The following FRMD1 variants were observed in gnomAD, a reference collection of about 807,000 sequenced individuals.
FRMD1 encodes the protein FERM domain containing 1.
Under a neutral mutation model 54.9 loss-of-function variants are expected in FRMD1, and 51 were observed. The observed-to-expected ratio is 0.93, with a 90% CI of 0.74 to 1.17. The LOEUF is 1.17. Ranked by LOEUF, FRMD1 falls within the 50% of genes most tolerant of loss-of-function variation. FRMD1 has a pLI of 0.00. For missense variants in FRMD1, 729 were observed against 743.0 expected (o/e 0.98, Z 0.22); for synonymous variants, 324 against 306.4 (o/e 1.06, Z -0.60).
chr6:168,061,260 C>A (rs1799717250), intron 8 of FRMD1, among the ~76,000 whole-genome samples: 1 of 151,830 alleles, frequency 6.6e-6, no homozygotes, highest in African/African-American at 2.4e-5. Flanking sequence ...GGAGACCAGG[C>A]CTGTGGTAAA....
chr6:168,058,387 C>T (rs971464894), intron 10 of FRMD1, among the ~76,000 whole-genome samples: 14 of 145,070 alleles, frequency 9.7e-5, no homozygotes, highest in African/African-American at 2.8e-4. Context: ...ATCTGCCTCC[C>T]GTGCCCAGCC....
chr6:168,087,199 T>C (rs1800935968), intron 1 of FRMD1, among the ~76,000 whole-genome samples: 1 of 152,136 alleles, frequency 6.6e-6, no homozygotes, highest in African/African-American at 2.4e-5. Flanking sequence ...CCTGAGCAGC[T>C]GGGACCACAG....
At chr6:168,081,609 C>T, upstream of FRMD1, 1 of 1,225,624 alleles carries the variant, frequency 8.2e-7, no homozygotes. Context: ...TCTAGGTCCA[C>T]AAAGCACAGG....
chr6:168,078,993 C>T lies in FRMD1; in HGVS notation c.102G>A (p.Arg34=), dbSNP rs781712962. The T allele has an allele frequency of 1.9e-6, 3 of 1,612,396 alleles. No homozygotes were observed. Among genetic ancestry groups the T allele is most frequent in the East Asian group, 2.2e-5 (1 of 44,850 alleles). The change falls in exon 1 of 11, where the codon AGG becomes AGA. Residue 34 remains arginine, a synonymous_variant. Coordinates refer to ENST00000283309, the MANE Select transcript of FRMD1 (RefSeq NM_024919.6). ...GARCMEPSPE[R]PACSQQEPTL... ...TCGGCTCCTGCTGACTGCATGCAGG[C>T]CTCTCAGGACTGGGTTCCATACATC... is the stretch of plus-strand genomic sequence containing the variant.
upstream of FRMD1, among the ~76,000 whole-genome samples, chr6:168,082,338 T>C (rs1207157755): frequency 2.6e-5 from 4 of 152,344 alleles, no homozygotes; most frequent in East Asian, 7.7e-4. Context: ...TCTTGCTCCA[T>C]GCTCAGCCTC....
Position 168,057,307 on chromosome 6 carries a change from C to G in FRMD1, c.1440G>C (p.Glu480Asp). Residue 480 changes from glutamate to aspartate, a missense_variant, in exon 11 of 11, where the codon GAG becomes GAC. Coordinates refer to ENST00000283309, the MANE Select transcript of FRMD1 (RefSeq NM_024919.6). ...TGTCGTCCAGGCCATGGCTGTGCTG[C>G]TCCTCACTGACCCCGGCTGTCATTT... The part of the protein sequence containing the change: ...IQEMTAGVSE[E>D]QHSHGLDDMQ... 6.2e-7 allele frequency: 1 copy of G among 1,612,014 alleles called. No individual in the cohort carries two copies. The highest frequency in any genetic ancestry group is 8.5e-7 in the Non-Finnish European group (1 of 1,179,778).
chr6:168,058,374 T>C (rs1382169797), intron 10 of FRMD1, among the ~76,000 whole-genome samples: 4 of 92,922 alleles, frequency 4.3e-5, no homozygotes, highest in Non-Finnish European at 8.5e-5. Context: ...GTTCTCTCTC[T>C]CCATCTGCCT....
upstream of FRMD1, among the ~76,000 whole-genome samples, chr6:168,082,723 A>C (rs930892392): frequency 6.6e-6 from 1 of 152,158 alleles, no homozygotes; most frequent in Non-Finnish European, 1.5e-5. Context: ...ATCATCTCAG[A>C]AAAGAGAGTT....
Position 168,059,130 on chromosome 6 carries a change from C to G in FRMD1, c.1401G>C (p.Val467=). 1.3e-6 allele frequency: 2 copies of G among 1,574,274 alleles called. No homozygotes were observed. The highest frequency in any genetic ancestry group is 2.3e-5 in the South Asian group (2 of 86,242). ...VRTRGQSAEA[V]HQIQEMTAGV... ...CCCGTGGGGGGGACTCTACCTGGTG[C>G]ACGGCCTCGGCGCTCTGGCCTCTGG... is the stretch of plus-strand genomic sequence containing the variant. Residue 467 remains valine (V), a synonymous_variant, in exon 10 of 11, where the codon GTG becomes GTC. Coordinates refer to ENST00000283309, the MANE Select transcript of FRMD1 (RefSeq NM_024919.6). The surrounding 1 kb of genome is among the most constrained non-coding windows in gnomAD (Gnocchi z 4.4).
intron 5 of FRMD1, among the ~76,000 whole-genome samples, chr6:168,064,451 C>T (rs1312353242): frequency 6.6e-6 from 1 of 152,212 alleles, no homozygotes; most frequent in Non-Finnish European, 1.5e-5. Flanking sequence ...CCACTCCTTC[C>T]CTTACAGGTG....
chr6:168,089,969 C>T (rs1365504141), intron 1 of FRMD1, among the ~76,000 whole-genome samples: 3 of 152,196 alleles, frequency 2.0e-5, no homozygotes, highest in Non-Finnish European at 2.9e-5. Flanking sequence ...AGCTGCTCAG[C>T]ACTCGCAGCC....
chr6:168,070,892 G>T (rs1016131515), intron 2 of FRMD1, among the ~76,000 whole-genome samples: 2 of 152,198 alleles, frequency 1.3e-5, no homozygotes, highest in Non-Finnish European at 2.9e-5. Flanking sequence ...AGGCTCCCCT[G>T]AACCCAGCAG....
intron 2 of FRMD1, among the ~76,000 whole-genome samples, chr6:168,074,867 T>C (rs1800504387): frequency 7.4e-6 from 1 of 135,996 alleles, no homozygotes; most frequent in South Asian, 2.6e-4. Context: ...TTTGTGCATG[T>C]GTACATGTCA....
intron 6 of FRMD1, 37 bp downstream of exon 6, chr6:168,063,564 C>G: frequency 6.4e-7 from 1 of 1,570,898 alleles, no homozygotes; most frequent in African/African-American, 1.3e-5. Flanking sequence ...GGCCTGGAGT[C>G]AGAGTCCAGC....
chr6:168,087,316 A>G (rs1309815001), intron 1 of FRMD1, among the ~76,000 whole-genome samples: 1 of 151,730 alleles, frequency 6.6e-6, no homozygotes, highest in African/African-American at 2.4e-5. Context: ...TGATCTGCCA[A>G]CCTCGCCTCC....
upstream of FRMD1, chr6:168,081,261 A>T: frequency 1.6e-6 from 2 of 1,248,552 alleles, no homozygotes; most frequent in Middle Eastern, 2.4e-4. Context: ...GGACACCAGA[A>T]CCTCTGTCCT....
chr6:168,075,201 C>T (rs766245758), intron 2 of FRMD1, 44 bp downstream of exon 2: 7 of 1,547,710 alleles, frequency 4.5e-6, no homozygotes, highest in Admixed American at 1.7e-5. Context: ...CCAGCAGATG[C>T]GGCCCCTGGG....
At chr6:168,073,671 T>C (rs1800419850) in intron 2 of FRMD1, among the ~76,000 whole-genome samples, 1 of 152,036 alleles carries the variant, frequency 6.6e-6, no homozygotes, top group African/African-American at 2.4e-5. Flanking sequence ...CTCACGATGG[T>C]TGGAAGAGAA....
Position 168,060,965 on chromosome 6 carries a change from G to C in FRMD1, c.1138C>G (p.His380Asp). ...TGGCGTGAGAGGCAGTGGGGGCAGT[G>C]CTGGCTGCTGACCCCACTGCCCGGG... ...SFPGSGVSSQ[H>D]CPHCLSRHSA... Residue 380 changes from histidine (H) to aspartate (D), a missense_variant, in exon 9 of 11, where the codon CAC becomes GAC. Physicochemically the swap from His to Asp is moderately conservative, Grantham distance 81 (BLOSUM62 -1). Coordinates refer to ENST00000283309, the MANE Select transcript of FRMD1 (RefSeq NM_024919.6). 6.2e-7 allele frequency: 1 copy of C among 1,613,204 alleles called. No homozygotes were observed. The highest frequency in any genetic ancestry group is 1.1e-5 in the South Asian group (1 of 91,076).
Sources: allele counts gnomAD v4.1 joint callset (sites outside exome capture counted in the v4.1 genomes callset), GRCh38; gene constraint gnomAD v4.1.1; non-coding constraint Gnocchi (gnomAD v3.1); transcripts MANE v1.5; gene names NCBI Gene and HGNC (gene_info 2026-07-23, HGNC 2026-07-21).